AFG2A: variants seen among roughly 807,000 people sequenced by gnomAD.
AFG2A encodes AAA ATPase AFG2A.
At chr4:122,926,460 C>G in the AFG2A span, among the ~76,000 whole-genome samples, 1 of 152,204 alleles carries the variant, frequency 6.6e-6, no homozygotes, top group African/African-American at 2.4e-5. Flanking sequence ...GTTTTATACT[C>G]AGTGCTGTTC....
the AFG2A span, among the ~76,000 whole-genome samples, chr4:123,076,287 A>C: frequency 6.6e-6 from 1 of 152,140 alleles, no homozygotes; most frequent in East Asian, 1.9e-4. Context: ...GCTGCATGAA[A>C]AGTTTTTTTT....
At chr4:123,054,650 G>A in the AFG2A span, among the ~76,000 whole-genome samples, 11 of 151,918 alleles carry the variant, frequency 7.2e-5, no homozygotes, top group Middle Eastern at 3.4e-3. Flanking sequence ...CCCAGGAGGC[G>A]GAGCTTGCAG....
the AFG2A span, chr4:122,923,249 G>A: frequency 5.0e-6 from 8 of 1,614,142 alleles, no homozygotes; most frequent in East Asian, 1.3e-4. Context: ...CCTTCTGCTG[G>A]ATCAGACTTC....
chr4:123,049,348 A>C, the AFG2A span, among the ~76,000 whole-genome samples: 1 of 152,068 alleles, frequency 6.6e-6, no homozygotes, highest in African/African-American at 2.4e-5. Flanking sequence ...TTTTGCTGTC[A>C]TGGTAATGCT....
the AFG2A span, among the ~76,000 whole-genome samples, chr4:123,292,892 T>C: frequency 2.0e-5 from 3 of 152,200 alleles, no homozygotes; most frequent in African/African-American, 4.8e-5. Context: ...GATGGATATA[T>C]GCAATACCCC....
chr4:123,223,930 C>T, the AFG2A span, among the ~76,000 whole-genome samples: 1 of 152,128 alleles, frequency 6.6e-6, no homozygotes, highest in Admixed American at 6.5e-5. Flanking sequence ...TGATACAGCC[C>T]CACTAGTTTA....
At chr4:123,183,929 TATTTATTCATTC>T in the AFG2A span, among the ~76,000 whole-genome samples, 1,618 of 113,958 alleles carry the variant, frequency 0.014, 42 homozygotes, top group African/African-American at 0.071. Context: ...CCAGCTTGCT[TATTTATTCATTC>T]ATTCATTCAT....
chr4:123,153,485 C>T, the AFG2A span, among the ~76,000 whole-genome samples: 1 of 152,050 alleles, frequency 6.6e-6, no homozygotes, highest in Non-Finnish European at 1.5e-5. Flanking sequence ...ATTTTAAGTT[C>T]CAGGGGACAT....
At chr4:123,274,157 T>C in the AFG2A span, among the ~76,000 whole-genome samples, 607 of 152,238 alleles carry the variant, frequency 4.0e-3, 6 homozygotes, top group African/African-American at 0.014. Flanking sequence ...TATTTTAATA[T>C]TTGACCTGCA....
the AFG2A span, among the ~76,000 whole-genome samples, chr4:123,307,119 G>A: frequency 6.6e-6 from 1 of 152,264 alleles, no homozygotes; most frequent in African/African-American, 2.4e-5. Flanking sequence ...GGCCTCATAG[G>A]AACAATTCAG....
At chr4:122,935,750 C>T in the AFG2A span, 2 of 1,611,556 alleles carry the variant, frequency 1.2e-6, no homozygotes, top group East Asian at 2.2e-5. Context: ...CTTTATGGTC[C>T]TCCAGGTACT....
the AFG2A span, chr4:123,313,824 TG>T: frequency 7.2e-7 from 1 of 1,390,844 alleles, no homozygotes; most frequent in Admixed American, 2.6e-5. Flanking sequence ...TGGAATATTA[TG>T]TTTCTAAAAG....
chr4:123,260,677 C>T, the AFG2A span, among the ~76,000 whole-genome samples: 1 of 152,154 alleles, frequency 6.6e-6, no homozygotes, highest in African/African-American at 2.4e-5. Flanking sequence ...TAGAATCTGG[C>T]ATAGATTGTT....
chr4:122,944,187 C>A, the AFG2A span, among the ~76,000 whole-genome samples: 2 of 152,254 alleles, frequency 1.3e-5, no homozygotes, highest in African/African-American at 4.8e-5. Context: ...TGGCCTGCCT[C>A]GCTAGATTGG....
At chr4:122,934,706 C>T in the AFG2A span, 1 of 1,592,588 alleles carries the variant, frequency 6.3e-7, no homozygotes, top group Non-Finnish European at 8.5e-7. Context: ...ATTGAATTGC[C>T]CCTCAAACAG....
chr4:123,128,881 A>C, the AFG2A span, among the ~76,000 whole-genome samples: 1 of 152,172 alleles, frequency 6.6e-6, no homozygotes, highest in Admixed American at 6.6e-5. Context: ...TCTAAAACCC[A>C]GCAAAATGGA....
chr4:123,156,759 TAAAAAAAAA>T, the AFG2A span, among the ~76,000 whole-genome samples: 1 of 134,828 alleles, frequency 7.4e-6, no homozygotes, highest in Non-Finnish European at 1.6e-5. Context: ...TTAAGAAGAT[TAAAAAAAAA>T]AAAAAAAAGA....
the AFG2A span, among the ~76,000 whole-genome samples, chr4:122,935,071 A>G: frequency 6.6e-6 from 1 of 152,176 alleles, no homozygotes. Flanking sequence ...CATTAGGTAA[A>G]ACTTCTTAGG....
At chr4:123,267,653 C>T in the AFG2A span, among the ~76,000 whole-genome samples, 1 of 152,030 alleles carries the variant, frequency 6.6e-6, no homozygotes, top group African/African-American at 2.4e-5. Flanking sequence ...ATTGTATTTA[C>T]TTTGCCTAGG....
Sources: allele counts gnomAD v4.1 joint callset (sites outside exome capture counted in the v4.1 genomes callset), GRCh38; gene constraint gnomAD v4.1.1; transcripts MANE v1.5; gene names NCBI Gene and HGNC (gene_info 2026-07-23, HGNC 2026-07-21).